The following TRIM4 variants were observed in gnomAD, a reference collection of about 807,000 sequenced individuals.
TRIM4 encodes the protein E3 ubiquitin-protein ligase TRIM4.
Under a neutral mutation model 33.7 loss-of-function variants are expected in TRIM4, and 29 were observed. The ratio of observed to expected loss-of-function variants is 0.86; its 90% confidence interval spans 0.64 to 1.17. The LOEUF (loss-of-function observed/expected upper bound fraction) is 1.17, where lower values mean the gene tolerates loss of function less well. TRIM4 is among the 50% of genes most tolerant of loss of function. The pLI, the probability that TRIM4 is intolerant of heterozygous loss-of-function variation, is 0.00. For synonymous variants in TRIM4, 224 were observed against 233.0 expected (o/e 0.96, Z 0.35); for missense variants, 554 against 593.7 (o/e 0.93, Z 0.69).
chr7:99,906,401 C>T (rs1198886445), intron 3 of TRIM4, among the ~76,000 whole-genome samples: 1 of 151,896 alleles, frequency 6.6e-6, no homozygotes, highest in Non-Finnish European at 1.5e-5. Flanking sequence ...CTAAGATGCC[C>T]AGGCTAGTGC....
chr7:99,894,547 G>C (rs550640309), intron 5 of TRIM4, among the ~76,000 whole-genome samples: 3 of 152,024 alleles, frequency 2.0e-5, no homozygotes, highest in African/African-American at 7.2e-5. Flanking sequence ...CGCACCTGCA[G>C]TCCCAGCTAC....
chr7:99,906,956 T>A (rs555292522), intron 3 of TRIM4, among the ~76,000 whole-genome samples: 3 of 152,148 alleles, frequency 2.0e-5, no homozygotes, highest in African/African-American at 7.2e-5. Flanking sequence ...CAGGTAGCCA[T>A]TACCGGAAAA....
intron 4 of TRIM4, 116 bp from the exon 5 acceptor site, chr7:99,903,431 C>A: frequency 7.4e-7 from 1 of 1,354,012 alleles, no homozygotes; most frequent in Non-Finnish European, 1.0e-6. Flanking sequence ...TTCCTCCTCC[C>A]AGAAACAATC....
In TRIM4 at chr7:99,909,648, T is replaced by G; in HGVS notation, c.406A>C (p.Lys136Gln). ...TTGGCCACGAGATTACGCTGAGACT[T>G]AAGAAGTTTCTCCTGCCAGCAGAAA... ...AFESYREKLL[K>Q]SQRNLVAKMK... The change falls in exon 2 of 6, where the codon AAG becomes CAG. Residue 136 changes from lysine (K) to glutamine (Q), a missense_variant. This residue lies in a region of TRIM4 where 233 missense variants were observed against 203.1 expected (regional missense o/e 1.15). Coordinates refer to ENST00000349062, the MANE Select transcript of TRIM4 (RefSeq NM_033091.3). 6.2e-7 allele frequency: 1 copy of G among 1,613,396 alleles called. No homozygotes were observed. Among genetic ancestry groups the G allele is most frequent in the African/African-American group, 1.3e-5 (1 of 74,958 alleles).
At chr7:99,908,942 C>A in intron 2 of TRIM4, 130 bp from the exon 3 acceptor site, 2 of 752,456 alleles carry the variant, frequency 2.7e-6, no homozygotes, top group East Asian at 2.7e-5. Flanking sequence ...CCCACCCCCA[C>A]TAAAATTTCC....
rs1454619023 is a variant in TRIM4, at chr7:99,891,975, G to A, written c.*188C>T. 4 of 572,616 alleles carry A rather than the reference G, an allele frequency of 7.0e-6. No individual in the cohort carries two copies. Among genetic ancestry groups the A allele is most frequent in the Non-Finnish European group, 9.0e-6 (3 of 333,758 alleles). 35.5% of individuals were successfully genotyped at this position (572,616 alleles called of 1,614,324 possible). Reference sequence around the variant, plus strand: ...AAAATTTCCTGTCCCATCTCCATTGGCCAGACCCACCTCCCATGGGACTGC... The same window carrying A: ...AAAATTTCCTGTCCCATCTCCATTGACCAGACCCACCTCCCATGGGACTGC... On this transcript the variant is annotated 3_prime_UTR_variant, in exon 6 of 6. Transcript: ENST00000349062.
rs139083210 is a variant in TRIM4, at chr7:99,914,295, C to T, written c.394-4635G>A. On this transcript the variant is annotated intron_variant, in intron 1 of 5. Transcript: ENST00000349062. ...GTCTCGGCCTCCCGAATAGCTGGGA[C>T]TACAGATGTGCATCACTACATCCAG... is the stretch of plus-strand genomic sequence containing the variant. 3.5e-3 allele frequency among the ~76,000 whole-genome samples: 532 copies of T among 152,266 alleles called. 3 individuals carry two copies. The highest frequency in any genetic ancestry group is 0.011 in the African/African-American group (475 of 41,544).
At chr7:99,914,475 A>C (rs556210814) in intron 1 of TRIM4, among the ~76,000 whole-genome samples, 12 of 152,212 alleles carry the variant, frequency 7.9e-5, no homozygotes, top group Admixed American at 5.9e-4. Flanking sequence ...CTTTTCTAAA[A>C]ACTAATCAGA....
intron 5 of TRIM4, among the ~76,000 whole-genome samples, chr7:99,900,763 A>G (rs1004841694): frequency 2.0e-5 from 3 of 152,180 alleles, no homozygotes; most frequent in East Asian, 1.9e-4. Context: ...TCAGGACTTT[A>G]AAGAGTTTGC....
chr7:99,902,060 C>T, intron 5 of TRIM4: 1 of 761,634 alleles, frequency 1.3e-6, no homozygotes, highest in Admixed American at 1.7e-5. Context: ...AGGCTGACCT[C>T]ATTTGTTTCA....
intron 5 of TRIM4, among the ~76,000 whole-genome samples, chr7:99,899,588 C>CT (rs1288790838): frequency 6.6e-6 from 1 of 152,180 alleles, no homozygotes; most frequent in African/African-American, 2.4e-5. Flanking sequence ...TCATAGTATA[C>CT]TTTCATCTCT....
intron 1 of TRIM4, among the ~76,000 whole-genome samples, chr7:99,915,426 G>A (rs974745756): frequency 3.9e-5 from 6 of 152,186 alleles, no homozygotes; most frequent in South Asian, 2.1e-4. Flanking sequence ...ATTTGCATCC[G>A]GAGATTTATG....
chr7:99,892,813 C>T, intron 5 of TRIM4, 67 bp from the exon 6 acceptor site: 1 of 1,331,050 alleles, frequency 7.5e-7, no homozygotes, highest in Non-Finnish European at 1.0e-6. Flanking sequence ...AAATGCCCAT[C>T]TTTTCCAGCA....
In TRIM4 at chr7:99,903,201, C is replaced by T. The variant is rs776140734; in HGVS notation, c.841+17G>A. The T allele has an allele frequency of 6.3e-7, 1 of 1,590,428 alleles. No homozygotes were observed. The highest frequency in any genetic ancestry group is 1.1e-5 in the South Asian group (1 of 89,030). On this transcript the variant is annotated intron_variant, in intron 5 of 5. Transcript: ENST00000349062. ...AAAGATTTCTAAGGAGCCCCAAGTC[C>T]TAGAAATTCTGCTCACCTTGGAATC...
intron 5 of TRIM4, among the ~76,000 whole-genome samples, chr7:99,893,647 T>G (rs949109496): frequency 2.0e-5 from 3 of 152,188 alleles, no homozygotes; most frequent in African/African-American, 7.2e-5. Flanking sequence ...ACACTCATGC[T>G]TTTAAATCTT....
At chr7:99,902,381 G>A (rs1819196518) in intron 5 of TRIM4, among the ~76,000 whole-genome samples, 1 of 152,042 alleles carries the variant, frequency 6.6e-6, no homozygotes, top group South Asian at 2.1e-4. Context: ...CCGAGTAGCT[G>A]GGATTACAGG....
chr7:99,904,053 T>C (rs1819239617), intron 3 of TRIM4, among the ~76,000 whole-genome samples: 1 of 152,208 alleles, frequency 6.6e-6, no homozygotes, highest in South Asian at 2.1e-4. Flanking sequence ...CTAAACTTTA[T>C]GGAACTGAAA....
At position 99,891,038 on chromosome 7, in the gene TRIM4, A is replaced by T. The variant is rs1174744794; in HGVS notation, c.*1125T>A. The T allele has an allele frequency of 2.0e-5, 3 of 152,232 alleles. No individual in the cohort carries two copies. Among genetic ancestry groups the T allele is most frequent in the African/African-American group, 7.2e-5 (3 of 41,458 alleles). 9.4% of individuals were successfully genotyped at this position (152,232 alleles called of 1,614,324 possible). On this transcript the variant is annotated 3_prime_UTR_variant, in exon 6 of 6. Transcript: ENST00000349062. ...CACATGACTTATATAAACAGAGAAA[A>T]GCAATCATTATCTTAAAAATAACTA...
intron 5 of TRIM4, among the ~76,000 whole-genome samples, chr7:99,896,704 G>A (rs552560485): frequency 6.6e-6 from 1 of 152,266 alleles, no homozygotes; most frequent in African/African-American, 2.4e-5. Flanking sequence ...AGAATCCACG[G>A]TGGAAATCCT....
Sources: gnomAD v4.1 joint callset for allele counts (sites outside exome capture counted in the v4.1 genomes callset) on GRCh38, gnomAD v4.1.1 for gene constraint, gnomAD v4.1.1 regional missense constraint, MANE v1.5 for transcripts, NCBI Gene and HGNC (gene_info 2026-07-23, HGNC 2026-07-21) for gene names.